Variants in DFFB observed in about 807,000 individuals in gnomAD.
The protein encoded by DFFB is DNA fragmentation factor 40 kDa subunit.
DFFB carries 29 observed loss-of-function variants against 32.7 expected under a neutral mutation model. The observed-to-expected ratio is 0.89, with a 90% CI of 0.66 to 1.21. The LOEUF (loss-of-function observed/expected upper bound fraction) is 1.21, where lower values mean the gene tolerates loss of function less well. DFFB is among the 50% of genes most tolerant of loss of function. The pLI is 0.00. For missense variants in DFFB, 398 were observed against 440.6 expected, an observed-to-expected ratio of 0.90 and a Z score of 0.87; for synonymous variants, 170 against 177.1, an observed-to-expected ratio of 0.96 and a Z score of 0.32.
intron 6 of DFFB, among the ~76,000 whole-genome samples, chr1:3,883,279 A>T (rs1296469249): frequency 6.6e-6 from 1 of 152,254 alleles, no homozygotes; most frequent in Non-Finnish European, 1.5e-5. Context: ...TGTTGGGATG[A>T]CAGGCGTGAG....
At chr1:3,870,904 T>C (rs1314030132) in intron 5 of DFFB, among the ~76,000 whole-genome samples, 1 of 152,144 alleles carries the variant, frequency 6.6e-6, no homozygotes, top group Non-Finnish European at 1.5e-5. Context: ...GCACTGGGGC[T>C]CCCGGCACGT....
chr1:3,869,303 C>T (rs971826090), intron 4 of DFFB, among the ~76,000 whole-genome samples: 15 of 152,230 alleles, frequency 9.9e-5, no homozygotes, highest in African/African-American at 2.9e-4. Context: ...TCAAGTGATC[C>T]GCCCACCTCG....
At position 3,883,737 on chromosome 1, in the gene DFFB, A is replaced by G; in HGVS notation, c.1013A>G (p.Gln338Arg). 1 of 1,613,858 alleles carries G rather than the reference A, an allele frequency of 6.2e-7. No individual in the cohort carries two copies. Residue 338 changes from glutamine (Q) to arginine (R), a missense_variant, in exon 7 of 7, where the codon CAG becomes CGG. Coordinates refer to ENST00000378209, the MANE Select transcript of DFFB (RefSeq NM_004402.4). ...LKRKQPVRKR[Q>R] The stretch of plus-strand genomic sequence containing the variant: ...CGGAAGCAGCCTGTGCGGAAACGCC[A>G]GTGACACGTACACACCACGTCCTGG...
rs1233049672 is a variant in DFFB, at chr1:3,857,691, C to G, written c.88C>G (p.Leu30Val). 2 of 1,575,438 alleles carry G rather than the reference C, an allele frequency of 1.3e-6. No homozygotes were observed. Among genetic ancestry groups the G allele is most frequent in the East Asian group, 4.7e-5 (2 of 42,218 alleles). Residue 30 changes from leucine (L) to valine (V), a missense_variant, in exon 1 of 7, where the codon CTG becomes GTG. Leu to Val is a conservative substitution (Grantham distance 32, BLOSUM62 1). Transcript: ENST00000378209. ...GGCTGGCCGGAGCTGCCAGGAGGTG[C>G]TGCGCAAGGGCTGTCTCCGCTTCCA... Reference protein sequence around the residue: ...GVAGRSCQEVLRKGCLRFQLP... With the variant: ...GVAGRSCQEVVRKGCLRFQLP...
intron 1 of DFFB, 114 bp from the exon 2 acceptor site, chr1:3,858,604 A>G: frequency 2.2e-6 from 3 of 1,344,910 alleles, no homozygotes; most frequent in Non-Finnish European, 3.0e-6. Context: ...TACAGGCGGC[A>G]GCCTGAGCCT....
At chr1:3,868,476 T>C (rs1488751589) in intron 4 of DFFB, among the ~76,000 whole-genome samples, 1 of 152,088 alleles carries the variant, frequency 6.6e-6, no homozygotes, top group Non-Finnish European at 1.5e-5. Context: ...ATCCTTGGTC[T>C]GCAAACCTCT....
intron 3 of DFFB, 31 bp downstream of exon 3, chr1:3,866,031 G>A: frequency 6.6e-7 from 1 of 1,506,652 alleles, no homozygotes; most frequent in Admixed American, 2.2e-5. Context: ...GCAGGGGAGA[G>A]GCTTCTTTGG....
intron 5 of DFFB, among the ~76,000 whole-genome samples, 197 bp from the exon 6 acceptor site, chr1:3,872,275 T>C (rs926614276): frequency 2.0e-5 from 3 of 152,064 alleles, no homozygotes; most frequent in Non-Finnish European, 4.4e-5. Flanking sequence ...TAGCCGGGCC[T>C]GATGGCGGGC....
chr1:3,861,625 A>C (rs574749603), intron 2 of DFFB, among the ~76,000 whole-genome samples: 2 of 152,128 alleles, frequency 1.3e-5, no homozygotes, highest in Non-Finnish European at 2.9e-5. Flanking sequence ...ACAGGGCTTC[A>C]TCATGTTGCC....
chr1:3,868,487 C>G (rs1240398351), intron 4 of DFFB, among the ~76,000 whole-genome samples: 1 of 152,094 alleles, frequency 6.6e-6, no homozygotes, highest in East Asian at 1.9e-4. Context: ...GCAAACCTCT[C>G]CACCGCTCCC....
intron 3 of DFFB, 167 bp downstream of exon 3, chr1:3,866,167 G>GAGGTCCTGGCGACTTGCCATGTTCCCT: frequency 1.4e-6 from 1 of 704,644 alleles, no homozygotes. Context: ...TCCCAGCCTC[G>GAGGTCCTGGCGACTTGCCATGTTCCCT]TGGGAAAGGT....
At chr1:3,869,400 G>A (rs774086089) in intron 4 of DFFB, among the ~76,000 whole-genome samples, 7 of 152,200 alleles carry the variant, frequency 4.6e-5, no homozygotes, top group Non-Finnish European at 8.8e-5. Context: ...GGGGGCTGGT[G>A]TGGTTCCCTC....
chr1:3,878,012 G>T (rs1009613575), intron 6 of DFFB, among the ~76,000 whole-genome samples: 7 of 152,102 alleles, frequency 4.6e-5, no homozygotes, highest in African/African-American at 1.4e-4. Flanking sequence ...TCAGCCAGCC[G>T]CAGCTTGAAC....
intron 6 of DFFB, 70 bp downstream of exon 6, chr1:3,872,642 C>CTGCCGCGGCCCTGTCCA: frequency 7.2e-7 from 1 of 1,379,806 alleles, no homozygotes. Flanking sequence ...GGCCCTGTCC[C>CTGCCGCGGCCCTGTCCA]TGCCATGGCC....
At chr1:3,878,315 C>A (rs1166994327) in intron 6 of DFFB, among the ~76,000 whole-genome samples, 2 of 152,110 alleles carry the variant, frequency 1.3e-5, no homozygotes, top group Non-Finnish European at 2.9e-5. Flanking sequence ...CCATGCCTGG[C>A]TAATTTTTGT....
chr1:3,870,176 T>A (rs1645083002), intron 5 of DFFB, among the ~76,000 whole-genome samples: 1 of 152,238 alleles, frequency 6.6e-6, no homozygotes, highest in African/African-American at 2.4e-5. Context: ...GTGTCCCTGC[T>A]GCACCGTGCT....
chr1:3,876,925 G>C (rs1486382413), intron 6 of DFFB, among the ~76,000 whole-genome samples: 4 of 152,246 alleles, frequency 2.6e-5, no homozygotes, highest in Non-Finnish European at 4.4e-5. Flanking sequence ...GGGCCCCTGG[G>C]CGGAAGGTGG....
At chr1:3,882,113 G>A (rs1016894046) in intron 6 of DFFB, among the ~76,000 whole-genome samples, 4 of 152,118 alleles carry the variant, frequency 2.6e-5, no homozygotes, top group Non-Finnish European at 4.4e-5. Flanking sequence ...GCAGTGGTAC[G>A]ATCTTGGCTC....
At chr1:3,882,514 A>C (rs1312990393) in intron 6 of DFFB, among the ~76,000 whole-genome samples, 2 of 151,854 alleles carry the variant, frequency 1.3e-5, no homozygotes, top group Non-Finnish European at 2.9e-5. Context: ...ACAGGCATGC[A>C]TCACCATGCC....
Sources: allele counts gnomAD v4.1 joint callset (sites outside exome capture counted in the v4.1 genomes callset), GRCh38; gene constraint gnomAD v4.1.1; transcripts MANE v1.5; gene names NCBI Gene and HGNC (gene_info 2026-07-23, HGNC 2026-07-21).